ARID4A: variants seen among roughly 807,000 people sequenced by gnomAD.
The protein encoded by ARID4A is AT-rich interaction domain 4A.
Under a neutral mutation model 148.6 loss-of-function variants are expected in ARID4A, and 39 were observed. That is an observed-to-expected ratio of 0.26 (90% confidence interval 0.20 to 0.34). ARID4A has a LOEUF of 0.34. ARID4A is among the 10% of genes least tolerant of loss of function. ARID4A has a pLI of 1.00. For missense variants in ARID4A, 1,265 were observed against 1,449.1 expected, an observed-to-expected ratio of 0.87 and a Z score of 2.06; for synonymous variants, 475 against 481.2, an observed-to-expected ratio of 0.99 and a Z score of 0.17.
At chr14:58,301,794 C>A in intron 3 of ARID4A, 104 bp downstream of exon 3, 2 of 635,078 alleles carry the variant, frequency 3.1e-6, no homozygotes, top group Non-Finnish European at 5.1e-6. Flanking sequence ...ATATGAAAAC[C>A]CTTTATATAC....
intron 13 of ARID4A, 26 bp downstream of exon 13, chr14:58,346,531 CAT>C (rs764068799): frequency 5.5e-5 from 82 of 1,501,774 alleles, no homozygotes; most frequent in African/African-American, 6.9e-5. Flanking sequence ...CTTTTTGAAA[CAT>C]GTATTGATGT....
In ARID4A at chr14:58,299,800, C is replaced by T; in HGVS notation, c.-55C>T. On this transcript the variant is annotated splice_region_variant and 5_prime_UTR_variant, in exon 2 of 24. Coordinates refer to ENST00000355431, the MANE Select transcript of ARID4A (RefSeq NM_002892.4). ...CCTGTCTTTCCCCCTCCCCATAGTT[C>T]TAGCGACTGCGAAGATAGCTCGCTG... 1.2e-6 allele frequency: 2 copies of T among 1,613,682 alleles called. No individual in the cohort carries two copies. Among genetic ancestry groups the T allele is most frequent in the Non-Finnish European group, 8.5e-7 (1 of 1,179,632 alleles).
At chr14:58,368,297 G>C (rs574170365) in intron 23 of ARID4A, among the ~76,000 whole-genome samples, 11 of 152,216 alleles carry the variant, frequency 7.2e-5, no homozygotes, top group South Asian at 6.2e-4. Flanking sequence ...CTTATTCCTG[G>C]GAGGAGATTG....
rs941344308 is a variant in ARID4A, at chr14:58,372,335, A to G, written c.*346A>G. ...AGAAATCGTAGACAAGCAAGTGCAC[A>G]TGATAAACATCAAAATATTACCCAG... On this transcript the variant is annotated 3_prime_UTR_variant, in exon 24 of 24. Transcript: ENST00000355431. 1.1e-5 allele frequency: 3 copies of G among 269,394 alleles called. No homozygotes were observed. Among genetic ancestry groups the G allele is most frequent in the Middle Eastern group, 1.1e-3 (1 of 948 alleles). 16.7% of individuals were successfully genotyped at this position (269,394 alleles called of 1,614,324 possible).
chr14:58,325,406 C>CT lies in ARID4A; in HGVS notation c.582+1790dup, dbSNP rs1227944814. On this transcript the variant is annotated intron_variant, in intron 8 of 23. Transcript: ENST00000355431. ...TAGGTGATCCTCCCACCTCAGCCTCCTGAGTAGCTTGGGACCACAGGTGTA... is the reference window on the plus strand; with the variant it reads ...TAGGTGATCCTCCCACCTCAGCCTCCTTGAGTAGCTTGGGACCACAGGTGTA... Among the ~76,000 whole-genome samples the CT allele has an allele frequency of 5.9e-5, 9 of 152,276 alleles. No homozygotes were observed. In the South Asian group the frequency reaches 1.2e-3, roughly 21 times the overall value.
intron 8 of ARID4A, among the ~76,000 whole-genome samples, 165 bp downstream of exon 8, chr14:58,323,782 T>G (rs186543973): frequency 6.6e-6 from 1 of 152,256 alleles, no homozygotes; most frequent in Admixed American, 6.5e-5. Context: ...CTTCACTGTC[T>G]TCTTTGGTTA....
intron 11 of ARID4A, among the ~76,000 whole-genome samples, chr14:58,332,351 A>G (rs540141487): frequency 6.6e-6 from 1 of 152,302 alleles, no homozygotes; most frequent in South Asian, 2.1e-4. Context: ...CAGCAAAATT[A>G]CAGAATTTAG....
Position 58,307,779 on chromosome 14 carries a change from C to T in ARID4A, c.274+1667C>T, listed in dbSNP as rs552978789. 3.3e-5 allele frequency among the ~76,000 whole-genome samples: 5 copies of T among 152,290 alleles called. No homozygotes were observed. In the East Asian group the frequency reaches 9.7e-4, roughly 29 times the overall value. The stretch of plus-strand genomic sequence containing the variant: ...AGGTTGCAGTAAGCCTAGATTGTGC[C>T]ATTGCACTCCAGCCTGGGCAACAAG... On this transcript the variant is annotated intron_variant, in intron 5 of 23. Coordinates refer to ENST00000355431, the MANE Select transcript of ARID4A (RefSeq NM_002892.4).
chr14:58,346,730 C>G (rs1037562835), intron 13 of ARID4A, among the ~76,000 whole-genome samples: 2 of 151,216 alleles, frequency 1.3e-5, no homozygotes, highest in Non-Finnish European at 3.0e-5. Flanking sequence ...GAATTCAAGA[C>G]TAGCCTGGGC....
Position 58,344,705 on chromosome 14 carries a change from A to G in ARID4A, c.917A>G (p.Glu306Gly). The G allele has an allele frequency of 6.8e-6, 11 of 1,611,706 alleles. No individual in the cohort carries two copies. The highest frequency in any genetic ancestry group is 9.3e-6 in the Non-Finnish European group (11 of 1,178,370). Residue 306 changes from glutamate to glycine, a missense_variant, in exon 12 of 24, where the codon GAA becomes GGA. Glu to Gly is a moderately conservative substitution (Grantham distance 98). Transcript: ENST00000355431. ...KKTEEEVPEE[E>G]LDPEERDNFL... ...ATTTTATCTTTACAGCCTGAGGAAG[A>G]ACTTGATCCTGAAGAGAGGGACAAC...
intron 17 of ARID4A, among the ~76,000 whole-genome samples, chr14:58,356,785 T>A: frequency 6.7e-6 from 1 of 148,394 alleles, no homozygotes; most frequent in East Asian, 2.1e-4. Context: ...CACTGCAACC[T>A]CCGCCTCCTG....
intron 11 of ARID4A, among the ~76,000 whole-genome samples, chr14:58,343,577 C>G (rs1421094642): frequency 6.6e-6 from 1 of 152,032 alleles, no homozygotes; most frequent in Non-Finnish European, 1.5e-5. Flanking sequence ...GCCTGTAATC[C>G]CAGCACTTTG....
chr14:58,363,701 A>G (rs546502385), intron 19 of ARID4A, among the ~76,000 whole-genome samples: 56 of 152,290 alleles, frequency 3.7e-4, no homozygotes, highest in South Asian at 8.3e-4. Flanking sequence ...GTCTCAAAAA[A>G]AAAAGAAAAG....
rs767039919 is a variant in ARID4A at position 58,364,557 on chromosome 14, T to C, written c.2468T>C (p.Ile823Thr). 1 of 1,611,126 alleles carries C rather than the reference T, an allele frequency of 6.2e-7. No homozygotes were observed. Among genetic ancestry groups the C allele is most frequent in the South Asian group, 1.1e-5 (1 of 90,092 alleles). Residue 823 changes from isoleucine (I) to threonine (T), a missense_variant, in exon 20 of 24, where the codon ATA becomes ACA. Ile to Thr is a moderately conservative substitution (Grantham distance 89). Around this residue, in one of 9 missense-constraint regions of ARID4A, gnomAD observed 666 missense variants for 730.9 expected, o/e 0.91. Transcript: ENST00000355431. ...AATGAAGCAGGAAGTGAACCTCATA[T>C]AGAAGCTCATAGTCTTGAATTGTCT... The part of the protein sequence containing the change: ...GQNEAGSEPH[I>T]EAHSLELSSL...
At chr14:58,339,144 A>C (rs1190979) in intron 11 of ARID4A, among the ~76,000 whole-genome samples, 26,321 of 150,574 alleles carry the variant, frequency 0.17, 2,683 homozygotes, top group African/African-American at 0.28. Context: ...CTAATTTATT[A>C]TTATTTTTTT....
chr14:58,371,311 A>G (rs2035602548), intron 23 of ARID4A, among the ~76,000 whole-genome samples: 1 of 152,190 alleles, frequency 6.6e-6, no homozygotes, highest in Admixed American at 6.5e-5. Flanking sequence ...AGGAAAGAGA[A>G]GATAAAAGCA....
intron 5 of ARID4A, among the ~76,000 whole-genome samples, chr14:58,306,316 T>C (rs2140137713): frequency 6.6e-6 from 1 of 152,332 alleles, no homozygotes; most frequent in East Asian, 1.9e-4. Flanking sequence ...CTTTTGTCTA[T>C]TTCATCCAAA....
chr14:58,308,035 C>CTA (rs1286987161), intron 5 of ARID4A, among the ~76,000 whole-genome samples: 6 of 152,138 alleles, frequency 3.9e-5, no homozygotes, highest in African/African-American at 1.2e-4. Context: ...TGCGCATGCT[C>CTA]TATAGAAGGA....
intron 15 of ARID4A, among the ~76,000 whole-genome samples, chr14:58,348,322 G>C (rs539706206): frequency 6.6e-6 from 1 of 152,092 alleles, no homozygotes; most frequent in Admixed American, 6.6e-5. Context: ...ACGAGGTCAG[G>C]GATTAGTGTT....
Sources: allele counts gnomAD v4.1 joint callset (sites outside exome capture counted in the v4.1 genomes callset), GRCh38; gene constraint gnomAD v4.1.1; regional missense constraint gnomAD v4.1.1; transcripts MANE v1.5; gene names NCBI Gene and HGNC (gene_info 2026-07-23, HGNC 2026-07-21).